RNLS: variants seen among roughly 807,000 people sequenced by gnomAD.
RNLS encodes the protein renalase.
RNLS carries 39 observed loss-of-function variants against 39.8 expected under a neutral mutation model. That is an observed-to-expected ratio of 0.98 (90% CI 0.76 to 1.28). RNLS has a LOEUF of 1.28. Among genes scored for constraint, RNLS ranks in the 50% most tolerant of loss-of-function variants. RNLS has a pLI of 0.00. For missense variants in RNLS, 410 were observed against 413.3 expected, an observed-to-expected ratio of 0.99 and a Z score of 0.07; for synonymous variants, 147 against 150.7, an observed-to-expected ratio of 0.98 and a Z score of 0.18.
chr10:88,583,141 G>A lies in RNLS; in HGVS notation c.50C>T (p.Ala17Val), dbSNP rs1564924532. 6.2e-7 allele frequency: 1 copy of A among 1,614,106 alleles called. No homozygotes were observed. The highest frequency in any genetic ancestry group is 1.7e-5 in the Admixed American group (1 of 60,034). The change falls in exon 1 of 7, where the codon GCT becomes GTT. Residue 17 changes from alanine (A) to valine (V), a missense_variant. Ala to Val is a moderately conservative substitution (Grantham distance 64, BLOSUM62 0). Transcript: ENST00000331772. ...GGACGTCTGCCTCCTCAGCAGCGCA[G>A]CGCACAAGCTTCCTGTCATCCCGGC... ...VGAGMTGSLCAALLRRQTSGP... is the reference protein window; with the variant it reads ...VGAGMTGSLCVALLRRQTSGP...
the RNLS span, among the ~76,000 whole-genome samples, chr10:88,258,692 T>C: frequency 6.6e-6 from 1 of 152,216 alleles, no homozygotes; most frequent in Non-Finnish European, 1.5e-5. Context: ...AGCCACAGGA[T>C]GAGATAAGGC....
At chr10:88,451,125 G>A (rs1168869461) in intron 4 of RNLS, among the ~76,000 whole-genome samples, 1 of 152,132 alleles carries the variant, frequency 6.6e-6, no homozygotes, top group Non-Finnish European at 1.5e-5. Flanking sequence ...AAGATGAGGG[G>A]CATAGACCCT....
intron 6 of RNLS, among the ~76,000 whole-genome samples, chr10:88,294,706 T>A (rs1843945482): frequency 6.6e-6 from 1 of 152,194 alleles, no homozygotes; most frequent in Non-Finnish European, 1.5e-5. Context: ...TGTGTCTTAC[T>A]CATCTTTGTA....
In RNLS at chr10:88,347,530, A is replaced by T. The variant is rs183848069; in HGVS notation, c.700+15022T>A. Among the ~76,000 whole-genome samples, 9 of 152,296 alleles carry T rather than the reference A, an allele frequency of 5.9e-5. No individual in the cohort carries two copies. The East Asian group carries it at 1.5e-3, about 26-fold the overall frequency. On this transcript the variant is annotated intron_variant, in intron 5 of 6. Transcript: ENST00000331772. ...AATTTCTGCAAAGGAACCAACCTAA[A>T]GAAACCATAACGTTCCTATCTAAGT...
intron 5 of RNLS, among the ~76,000 whole-genome samples, chr10:88,329,781 T>C (rs1039724429): frequency 2.0e-5 from 3 of 152,110 alleles, no homozygotes; most frequent in Non-Finnish European, 4.4e-5. Flanking sequence ...GTTTTTTTGA[T>C]GTTCAATTTG....
At chr10:88,496,852 G>C (rs1275105454) in intron 4 of RNLS, among the ~76,000 whole-genome samples, 2 of 152,090 alleles carry the variant, frequency 1.3e-5, no homozygotes, top group Non-Finnish European at 2.9e-5. Context: ...TTTCTTATGA[G>C]GGATACTATG....
intron 4 of RNLS, among the ~76,000 whole-genome samples, chr10:88,536,554 C>T (rs567609023): frequency 5.5e-4 from 84 of 152,242 alleles, no homozygotes; most frequent in African/African-American, 2.0e-3. Flanking sequence ...ACTCTAGCTC[C>T]TATCTACCTC....
chr10:88,329,336 G>A (rs1323753467), intron 5 of RNLS, among the ~76,000 whole-genome samples: 1 of 152,146 alleles, frequency 6.6e-6, no homozygotes, highest in Non-Finnish European at 1.5e-5. Context: ...GTAAGTGTGA[G>A]CCACCATGTC....
At chr10:88,333,978 A>C (rs1847304504) in intron 5 of RNLS, among the ~76,000 whole-genome samples, 1 of 152,182 alleles carries the variant, frequency 6.6e-6, no homozygotes, top group Non-Finnish European at 1.5e-5. Context: ...GTGAGCAATA[A>C]ATTTATACTG....
At chr10:88,182,571 A>G in the RNLS span, among the ~76,000 whole-genome samples, 83 of 152,290 alleles carry the variant, frequency 5.5e-4, 1 homozygote, top group African/African-American at 1.8e-3. Context: ...TTCTTTTAAA[A>G]TATTCAAAGT....
chr10:88,462,663 C>T (rs1248533456), intron 4 of RNLS, among the ~76,000 whole-genome samples: 1 of 151,790 alleles, frequency 6.6e-6, no homozygotes, highest in Admixed American at 6.6e-5. Context: ...GAGGCATGTA[C>T]TTAATATTGT....
At chr10:88,579,972 G>T (rs916028815) in intron 3 of RNLS, among the ~76,000 whole-genome samples, 3 of 152,202 alleles carry the variant, frequency 2.0e-5, no homozygotes, top group Admixed American at 2.0e-4. Flanking sequence ...ACATAAAGGA[G>T]AATTCTTCCT....
At chr10:88,198,564 G>A in the RNLS span, among the ~76,000 whole-genome samples, 10 of 152,162 alleles carry the variant, frequency 6.6e-5, no homozygotes, top group Non-Finnish European at 8.8e-5. Context: ...AATGTTGGAG[G>A]AGGGGCCTGA....
chr10:88,251,535 G>A, the RNLS span, among the ~76,000 whole-genome samples: 2,410 of 152,206 alleles, frequency 0.016, 40 homozygotes, highest in Non-Finnish European at 0.019. Context: ...CTATAAAAAC[G>A]GGCTTCCAAA....
intron 5 of RNLS, among the ~76,000 whole-genome samples, chr10:88,323,684 G>T (rs1008800555): frequency 6.6e-6 from 1 of 152,014 alleles, no homozygotes; most frequent in South Asian, 2.1e-4. Context: ...TACTTTGGAC[G>T]TTGGCATATT....
intron 6 of RNLS, among the ~76,000 whole-genome samples, chr10:88,289,902 T>A (rs1843544633): frequency 6.6e-6 from 1 of 152,148 alleles, no homozygotes; most frequent in East Asian, 1.9e-4. Context: ...ACTGCTTTAA[T>A]GACTGTCTCC....
intron 4 of RNLS, among the ~76,000 whole-genome samples, chr10:88,449,328 A>T (rs1347247638): frequency 6.6e-6 from 1 of 152,216 alleles, no homozygotes; most frequent in Non-Finnish European, 1.5e-5. Flanking sequence ...TCCCAAACAT[A>T]CTTCCATTTA....
At chr10:88,490,881 T>G (rs1425512060) in intron 4 of RNLS, among the ~76,000 whole-genome samples, 2 of 152,156 alleles carry the variant, frequency 1.3e-5, no homozygotes, top group Admixed American at 6.6e-5. Flanking sequence ...ATTTTCTTTG[T>G]TATTGGATAA....
At chr10:88,238,891 C>T in the RNLS span, among the ~76,000 whole-genome samples, 1 of 152,122 alleles carries the variant, frequency 6.6e-6, no homozygotes, top group Admixed American at 6.5e-5. Context: ...TGGCTGTTAA[C>T]CTAATACACA....
Sources: gnomAD v4.1 joint callset for allele counts (sites outside exome capture counted in the v4.1 genomes callset) on GRCh38, gnomAD v4.1.1 for gene constraint, MANE v1.5 for transcripts, NCBI Gene and HGNC (gene_info 2026-07-23, HGNC 2026-07-21) for gene names.